The following PRKAR1B variants were observed in gnomAD, a reference collection of about 807,000 sequenced individuals.
PRKAR1B encodes the protein cAMP-dependent protein kinase type I-beta regulatory subunit.
A neutral mutation model predicts 46.5 loss-of-function variants in PRKAR1B; 22 were observed. The ratio of observed to expected loss-of-function variants is 0.47; its 90% CI spans 0.34 to 0.68. PRKAR1B has a LOEUF of 0.68. Ranked by LOEUF, PRKAR1B falls within the 30% of genes least tolerant of loss-of-function variation. The pLI is 0.01. For missense variants in PRKAR1B, 445 were observed against 535.6 expected (o/e 0.83, Z 1.67); for synonymous variants, 259 against 217.7 (o/e 1.19, Z -1.67).
chr7:679,527 T>G (rs1209317305), intron 3 of PRKAR1B, among the ~76,000 whole-genome samples: 2 of 152,252 alleles, frequency 1.3e-5, no homozygotes, highest in Non-Finnish European at 2.9e-5. Flanking sequence ...TTGCGCTAGC[T>G]TTAATTAGCT....
intron 2 of PRKAR1B, among the ~76,000 whole-genome samples, chr7:703,542 G>A (rs983987271): frequency 6.6e-6 from 1 of 151,926 alleles, no homozygotes; most frequent in Non-Finnish European, 1.5e-5. Context: ...TGTAGTCCCA[G>A]CTACTTGGGA....
intron 7 of PRKAR1B, among the ~76,000 whole-genome samples, chr7:590,725 T>C (rs931048163): frequency 7.9e-5 from 12 of 152,074 alleles, no homozygotes; most frequent in Non-Finnish European, 1.6e-4. Context: ...GGTCCCCTCT[T>C]TCTGGCAAAA....
At chr7:626,529 G>A (rs2128476274) in intron 4 of PRKAR1B, among the ~76,000 whole-genome samples, 1 of 152,138 alleles carries the variant, frequency 6.6e-6, no homozygotes, top group Admixed American at 6.6e-5. Context: ...AACAAAAAAG[G>A]ACTAAGCACA....
intron 3 of PRKAR1B, 123 bp from the exon 4 acceptor site, chr7:677,443 G>A: frequency 1.3e-6 from 1 of 794,720 alleles, no homozygotes; most frequent in Non-Finnish European, 2.1e-6. Context: ...TATGCAATTT[G>A]AAGTTTAATG....
intron 4 of PRKAR1B, among the ~76,000 whole-genome samples, chr7:619,861 G>A (rs979006585): frequency 7.9e-5 from 12 of 151,646 alleles, no homozygotes; most frequent in Non-Finnish European, 1.5e-4. Flanking sequence ...TTTGTTGTTT[G>A]TTTTTTAGAG....
At chr7:681,511 T>G (rs571496117) in intron 2 of PRKAR1B, among the ~76,000 whole-genome samples, 1 of 152,268 alleles carries the variant, frequency 6.6e-6, no homozygotes, top group Admixed American at 6.5e-5. Flanking sequence ...AAACTTTAAT[T>G]TGCTTTTTAA....
At chr7:728,279 T>A (rs1781433138), upstream of PRKAR1B, among the ~76,000 whole-genome samples, 1 of 152,164 alleles carries the variant, frequency 6.6e-6, no homozygotes, top group Non-Finnish European at 1.5e-5. Context: ...ACTGATGCTA[T>A]AAATCCGTGG....
At chr7:661,904 G>C (rs1213528045) in intron 4 of PRKAR1B, among the ~76,000 whole-genome samples, 1 of 66,122 alleles carries the variant, frequency 1.5e-5, no homozygotes, top group Admixed American at 1.4e-4. Context: ...CCCCCCCATG[G>C]CACAGGTCCC....
intron 4 of PRKAR1B, among the ~76,000 whole-genome samples, chr7:648,061 G>A (rs1368285860): frequency 6.6e-6 from 1 of 150,630 alleles, no homozygotes; most frequent in Non-Finnish European, 1.5e-5. Context: ...TGGGAGGATT[G>A]CTTGAGGCTG....
In PRKAR1B at chr7:714,201, A is replaced by G. The variant is rs1780792474; in HGVS notation, c.-22-2674T>C. On this transcript the variant is annotated intron_variant, in intron 1 of 10. Coordinates refer to ENST00000537384, the MANE Select transcript of PRKAR1B (RefSeq NM_001164760.2). The surrounding 1 kb of genome is among the most constrained non-coding windows in gnomAD (Gnocchi z 4.3). ...TCTCGCTTCGGGGGGCAGATGCTCC[A>G]GGCCTGGCTGCTTCTCTCCCGGGCT... is the stretch of plus-strand genomic sequence containing the variant. Among the ~76,000 whole-genome samples the G allele has an allele frequency of 6.6e-6, 1 of 152,156 alleles. No individual in the cohort carries two copies. Among genetic ancestry groups the G allele is most frequent in the Admixed American group, 6.5e-5 (1 of 15,274 alleles).
chr7:712,017 A>G (rs1205793547), intron 1 of PRKAR1B, among the ~76,000 whole-genome samples: 2 of 136,842 alleles, frequency 1.5e-5, no homozygotes, highest in Non-Finnish European at 3.1e-5. Flanking sequence ...GCCTCTGCAC[A>G]GGAAAAGACA....
chr7:622,523 A>ATG (rs1783165276), intron 4 of PRKAR1B, among the ~76,000 whole-genome samples: 1 of 152,240 alleles, frequency 6.6e-6, no homozygotes, highest in East Asian at 1.9e-4. Context: ...AGTTATTAGC[A>ATG]CTTCCAACAT....
chr7:583,558 G>A lies in PRKAR1B; in HGVS notation c.769+950C>T, dbSNP rs1213854942. Among the ~76,000 whole-genome samples the A allele has an allele frequency of 1.6e-4, 8 of 50,714 alleles. 2 individuals are homozygous for A. Among genetic ancestry groups the A allele is most frequent in the East Asian group, 3.9e-4 (1 of 2,560 alleles). The allele number at this position is 50,714 out of a possible 152,430, so 33.3% of individuals were successfully genotyped here. On this transcript the variant is annotated intron_variant, in intron 8 of 10. Transcript: ENST00000537384. ...ACTCACACACGTGCCAAACACATGCGTGCACACCCATGCACACACACTTGC... is the reference window on the plus strand; with the variant it reads ...ACTCACACACGTGCCAAACACATGCATGCACACCCATGCACACACACTTGC...
rs150130438 is a variant in PRKAR1B, at chr7:679,561, C to T, written c.348+995G>A. Among the ~76,000 whole-genome samples the T allele has an allele frequency of 2.4e-3, 361 of 152,230 alleles. 1 individual carries two copies. Among genetic ancestry groups the T allele is most frequent in the Non-Finnish European group, 3.9e-3 (266 of 68,026 alleles). ...CTGATTATAAAAGTATTAAGTACTG[C>T]GGAAAGGAATGGGGTGTGCGTGTTT... On this transcript the variant is annotated intron_variant, in intron 3 of 10. Coordinates refer to ENST00000537384, the MANE Select transcript of PRKAR1B (RefSeq NM_001164760.2).
intron 9 of PRKAR1B, among the ~76,000 whole-genome samples, chr7:557,197 G>A (rs1778500703): frequency 6.6e-6 from 1 of 152,202 alleles, no homozygotes; most frequent in Non-Finnish European, 1.5e-5. Context: ...AGCCAAGGAG[G>A]GAAAGAGGCA....
intron 4 of PRKAR1B, among the ~76,000 whole-genome samples, chr7:623,444 C>T (rs1283811934): frequency 6.6e-6 from 1 of 152,226 alleles, no homozygotes; most frequent in Non-Finnish European, 1.5e-5. Flanking sequence ...ATCAGTTCAG[C>T]CAGAACCGAT....
At chr7:551,621 C>A in intron 9 of PRKAR1B, 151 bp from the exon 10 acceptor site, 1 of 726,740 alleles carries the variant, frequency 1.4e-6, no homozygotes, top group Non-Finnish European at 2.3e-6. Flanking sequence ...CACGTCACCA[C>A]CCAAACCCCC....
chr7:628,278 C>T (rs1783526701), intron 4 of PRKAR1B, among the ~76,000 whole-genome samples: 1 of 152,254 alleles, frequency 6.6e-6, no homozygotes, highest in African/African-American at 2.4e-5. Flanking sequence ...CTGGAAACCT[C>T]ATCAGAACCT....
chr7:699,583 C>T (rs535880183), intron 2 of PRKAR1B, among the ~76,000 whole-genome samples: 65 of 152,276 alleles, frequency 4.3e-4, no homozygotes, highest in African/African-American at 9.9e-4. Flanking sequence ...AAGCTCAAGC[C>T]GAGATCTCCT....
Sources: allele counts gnomAD v4.1 joint callset (sites outside exome capture counted in the v4.1 genomes callset), GRCh38; gene constraint gnomAD v4.1.1; non-coding constraint Gnocchi (gnomAD v3.1); transcripts MANE v1.5; gene names NCBI Gene and HGNC (gene_info 2026-07-23, HGNC 2026-07-21).